The following OPCML variants were observed in gnomAD, a reference collection of about 807,000 sequenced individuals.
The protein encoded by OPCML is opioid-binding protein/cell adhesion molecule.
Under a neutral mutation model 37.8 loss-of-function variants are expected in OPCML, and 13 were observed. That is an observed-to-expected ratio of 0.34 (90% CI 0.22 to 0.55). The LOEUF (loss-of-function observed/expected upper bound fraction) is 0.55. Among genes scored for constraint, OPCML ranks in the 20% least tolerant of loss-of-function variants. OPCML has a pLI of 0.91. For missense variants in OPCML, 341 were observed against 435.6 expected (o/e 0.78, Z 1.93); for synonymous variants, 176 against 168.8 (o/e 1.04, Z -0.33).
At chr11:132,467,665 C>T (rs2096123957) in intron 4 of OPCML, among the ~76,000 whole-genome samples, 2 of 152,236 alleles carry the variant, frequency 1.3e-5, no homozygotes, top group Admixed American at 1.3e-4. Context: ...ATACTGAGTG[C>T]GGAAATGAAC....
chr11:133,168,945 A>G (rs1321109560), intron 1 of OPCML, among the ~76,000 whole-genome samples: 1 of 152,158 alleles, frequency 6.6e-6, no homozygotes, highest in Non-Finnish European at 1.5e-5. Flanking sequence ...CCTGACCAAT[A>G]TGGTGAAACA....
At chr11:132,950,596 G>A (rs1945837185) in intron 1 of OPCML, among the ~76,000 whole-genome samples, 1 of 152,176 alleles carries the variant, frequency 6.6e-6, no homozygotes, top group African/African-American at 2.4e-5. Flanking sequence ...GACTGAGGGT[G>A]ATGCTACTGT....
At chr11:132,643,302 C>A (rs1431544678) in intron 3 of OPCML, among the ~76,000 whole-genome samples, 1 of 152,182 alleles carries the variant, frequency 6.6e-6, no homozygotes, top group African/African-American at 2.4e-5. Flanking sequence ...GGCTCCTGCT[C>A]TTGCCTCTTG....
intron 1 of OPCML, among the ~76,000 whole-genome samples, chr11:133,099,041 A>G (rs1209075187): frequency 6.6e-6 from 1 of 152,174 alleles, no homozygotes; most frequent in African/African-American, 2.4e-5. Context: ...TGAACAAATG[A>G]CATTTGAAAA....
intron 1 of OPCML, among the ~76,000 whole-genome samples, chr11:133,161,541 G>C (rs1232627222): frequency 6.6e-6 from 1 of 152,206 alleles, no homozygotes; most frequent in Non-Finnish European, 1.5e-5. Context: ...TGGCAGGACA[G>C]CTTAGGGAAC....
At chr11:133,007,433 T>C (rs1156967921) in intron 1 of OPCML, 3 of 985,314 alleles carry the variant, frequency 3.0e-6, no homozygotes, top group Non-Finnish European at 3.6e-6. Flanking sequence ...GTTACCAGTT[T>C]TTTATCTCCA....
intron 1 of OPCML, chr11:133,439,171 C>T (rs781136485): frequency 1.9e-6 from 1 of 531,868 alleles, no homozygotes; most frequent in Non-Finnish European, 2.4e-6. Context: ...TGATTGGCAC[C>T]CGAAGTGGGG....
At chr11:132,935,141 G>GAAA (rs574227413) in intron 2 of OPCML, among the ~76,000 whole-genome samples, 2 of 90,242 alleles carry the variant, frequency 2.2e-5, no homozygotes, top group Admixed American at 2.2e-4. Flanking sequence ...TTCCATCTCA[G>GAAA]AAAAAAAAAA....
chr11:132,548,283 G>T (rs1414118197), intron 3 of OPCML, among the ~76,000 whole-genome samples: 7 of 152,158 alleles, frequency 4.6e-5, no homozygotes, highest in Admixed American at 4.6e-4. Context: ...AGGAAGTAGG[G>T]CAGAAAGGAA....
intron 1 of OPCML, among the ~76,000 whole-genome samples, chr11:132,991,547 A>C: frequency 6.6e-6 from 1 of 152,224 alleles, no homozygotes; most frequent in East Asian, 1.9e-4. Context: ...CACAGTAAAT[A>C]ATTTGAAAGG....
intron 1 of OPCML, among the ~76,000 whole-genome samples, chr11:133,518,322 AGTGT>A (rs368081900): frequency 5.2e-5 from 7 of 135,232 alleles, no homozygotes; most frequent in Non-Finnish European, 9.5e-5. Context: ...AGCGTGTATA[AGTGT>A]GTGTGTGTGG....
At chr11:132,543,395 C>A (rs1247055842) in intron 3 of OPCML, among the ~76,000 whole-genome samples, 1 of 151,938 alleles carries the variant, frequency 6.6e-6, no homozygotes, top group Non-Finnish European at 1.5e-5. Flanking sequence ...CGCTTATAGT[C>A]CTGATTACTC....
At chr11:132,970,672 T>C (rs897195904) in intron 1 of OPCML, among the ~76,000 whole-genome samples, 2 of 152,176 alleles carry the variant, frequency 1.3e-5, no homozygotes, top group Non-Finnish European at 2.9e-5. Context: ...TTCAGTCAAA[T>C]GTAACTCACT....
intron 1 of OPCML, among the ~76,000 whole-genome samples, chr11:133,469,784 T>C (rs1315271423): frequency 6.6e-6 from 1 of 152,100 alleles, no homozygotes; most frequent in Non-Finnish European, 1.5e-5. Flanking sequence ...AACCCCCAGG[T>C]TTTTATAGAT....
At chr11:132,998,230 G>T (rs1464399533) in intron 1 of OPCML, among the ~76,000 whole-genome samples, 1 of 152,154 alleles carries the variant, frequency 6.6e-6, no homozygotes, top group Admixed American at 6.5e-5. Flanking sequence ...CTGCAAATGT[G>T]TCCTCACATT....
intron 1 of OPCML, among the ~76,000 whole-genome samples, chr11:133,059,212 T>C (rs1265982296): frequency 6.6e-6 from 1 of 152,170 alleles, no homozygotes; most frequent in Non-Finnish European, 1.5e-5. Context: ...ATTTCTTATC[T>C]TACAGATAAA....
intron 2 of OPCML, among the ~76,000 whole-genome samples, chr11:132,719,121 C>T (rs1455732311): frequency 2.0e-5 from 3 of 152,232 alleles, no homozygotes; most frequent in African/African-American, 7.2e-5. Context: ...GGGTCCCTGA[C>T]TGACAGGCAC....
At chr11:132,699,822 C>A (rs977550107) in intron 2 of OPCML, among the ~76,000 whole-genome samples, 2 of 151,828 alleles carry the variant, frequency 1.3e-5, no homozygotes, top group African/African-American at 4.8e-5. Context: ...CTTGTAGTAT[C>A]CTTGTCTGGC....
At chr11:133,276,993 C>T (rs1018693427) in intron 1 of OPCML, among the ~76,000 whole-genome samples, 3 of 152,162 alleles carry the variant, frequency 2.0e-5, no homozygotes, top group Admixed American at 6.6e-5. Context: ...GATGTCCTGT[C>T]GGTATTTCAA....
Sources: allele counts gnomAD v4.1 joint callset (sites outside exome capture counted in the v4.1 genomes callset), GRCh38; gene constraint gnomAD v4.1.1; transcripts MANE v1.5; gene names NCBI Gene and HGNC (gene_info 2026-07-23, HGNC 2026-07-21).